Variants in SORCS2 observed in about 807,000 individuals in gnomAD.
SORCS2 encodes the protein sortilin related VPS10 domain containing receptor 2, also known as VPS10 domain-containing receptor SorCS2.
In SORCS2, 100 loss-of-function variants were observed where a neutral mutation model predicts 141.6. The ratio of observed to expected loss-of-function variants is 0.71; its 90% confidence interval spans 0.60 to 0.83. The LOEUF (loss-of-function observed/expected upper bound fraction) is 0.83. SORCS2 is among the 40% of genes least tolerant of loss of function. The pLI, the probability that SORCS2 is intolerant of heterozygous loss-of-function variation, is 0.00. For missense variants in SORCS2, 1,646 were observed against 1,560.2 expected, an observed-to-expected ratio of 1.05 and a Z score of -0.93; for synonymous variants, 789 against 676.9, an observed-to-expected ratio of 1.17 and a Z score of -2.57.
At chr4:7,552,451 C>A (rs1254854089) in intron 3 of SORCS2, among the ~76,000 whole-genome samples, 2 of 152,144 alleles carry the variant, frequency 1.3e-5, no homozygotes, top group African/African-American at 4.8e-5. Flanking sequence ...GCTCTGATTT[C>A]TCTGACAAAA....
intron 5 of SORCS2, among the ~76,000 whole-genome samples, chr4:7,660,046 A>G (rs752788235): frequency 1.3e-5 from 2 of 152,194 alleles, no homozygotes; most frequent in Non-Finnish European, 2.9e-5. Context: ...ATCATTCAAG[A>G]TAAGTATGAT....
chr4:7,724,339 A>ATGG (rs1560113509), intron 19 of SORCS2, among the ~76,000 whole-genome samples: 1,593 of 122,822 alleles, frequency 0.013, no homozygotes, highest in African/African-American at 0.038. Flanking sequence ...GGTGATGGTG[A>ATGG]TGATGGTAAC....
chr4:7,512,832 G>A (rs1732746875), intron 2 of SORCS2, among the ~76,000 whole-genome samples: 1 of 152,148 alleles, frequency 6.6e-6, no homozygotes, highest in Admixed American at 6.5e-5. Context: ...ATCTCTGTAA[G>A]GCCAGAAACC....
chr4:7,541,902 G>A (rs1407429092), intron 3 of SORCS2, among the ~76,000 whole-genome samples: 1 of 152,224 alleles, frequency 6.6e-6, no homozygotes, highest in Non-Finnish European at 1.5e-5. Context: ...CAGCTTGAAG[G>A]TCTAAGCGTG....
At chr4:7,581,148 A>AT (rs1423539220) in intron 3 of SORCS2, among the ~76,000 whole-genome samples, 1 of 143,378 alleles carries the variant, frequency 7.0e-6, no homozygotes, top group Non-Finnish European at 1.6e-5. Context: ...TATGTCCTTA[A>AT]TTTTTTTGAA....
intron 1 of SORCS2, among the ~76,000 whole-genome samples, chr4:7,385,310 T>C (rs762168344): frequency 2.6e-5 from 4 of 152,242 alleles, no homozygotes; most frequent in Non-Finnish European, 5.9e-5. Flanking sequence ...ATCAGTGTCT[T>C]TGAAATGGAA....
In SORCS2 at chr4:7,712,147, G is replaced by C. The variant is rs145741342; in HGVS notation, c.1869-586G>C. 5.9e-5 allele frequency among the ~76,000 whole-genome samples: 9 copies of C among 152,264 alleles called. No homozygotes were observed. The East Asian group carries it at 1.7e-3, about 29-fold the overall frequency. ...TTCCCCCACCCACCTAGGCTGCGAC[G>C]GGCCAACCTTGCTCATCCTGTGGGC... On this transcript the variant is annotated intron_variant, in intron 14 of 26. Transcript: ENST00000507866.
At chr4:7,386,487 G>A (rs1266368510) in intron 1 of SORCS2, among the ~76,000 whole-genome samples, 2 of 61,784 alleles carry the variant, frequency 3.2e-5, no homozygotes, top group Admixed American at 1.5e-4. Context: ...ATACACATTT[G>A]CACACACGCA....
At chr4:7,688,644 C>T (rs980747095) in intron 10 of SORCS2, among the ~76,000 whole-genome samples, 5 of 152,316 alleles carry the variant, frequency 3.3e-5, no homozygotes, top group East Asian at 3.9e-4. Context: ...GAGTCCAAGC[C>T]CTGCCCTTTC....
At chr4:7,718,746 C>A (rs932752275) in intron 18 of SORCS2, among the ~76,000 whole-genome samples, 1 of 152,154 alleles carries the variant, frequency 6.6e-6, no homozygotes, top group Non-Finnish European at 1.5e-5. Context: ...GTTATATTTT[C>A]TTCTGACGTT....
chr4:7,356,698 C>T (rs1333627672), intron 1 of SORCS2, among the ~76,000 whole-genome samples: 1 of 152,210 alleles, frequency 6.6e-6, no homozygotes, highest in Non-Finnish European at 1.5e-5. Flanking sequence ...CTGCAGCAGC[C>T]CCTCTCTGTG....
chr4:7,304,196 A>T (rs900346978), intron 1 of SORCS2, among the ~76,000 whole-genome samples: 8 of 152,244 alleles, frequency 5.3e-5, no homozygotes, highest in African/African-American at 1.9e-4. Context: ...TTCTGGCCTT[A>T]TGTTCTTGCC....
intron 26 of SORCS2, among the ~76,000 whole-genome samples, chr4:7,739,014 C>T (rs779204836): frequency 7.9e-5 from 12 of 152,190 alleles, no homozygotes; most frequent in Admixed American, 2.6e-4. Flanking sequence ...AGGTACTTCA[C>T]GGAGCGCTCG....
At chr4:7,696,409 C>T (rs1724711256) in intron 11 of SORCS2, among the ~76,000 whole-genome samples, 1 of 152,190 alleles carries the variant, frequency 6.6e-6, no homozygotes, top group African/African-American at 2.4e-5. Flanking sequence ...GGTGCAGCAC[C>T]AGAGGCTGTG....
At chr4:7,470,159 T>A (rs1729879428) in intron 2 of SORCS2, among the ~76,000 whole-genome samples, 1 of 152,038 alleles carries the variant, frequency 6.6e-6, no homozygotes, top group South Asian at 2.1e-4. Context: ...AATATATCTA[T>A]CCAGTCATCC....
At chr4:7,316,393 A>G (rs988444630) in intron 1 of SORCS2, among the ~76,000 whole-genome samples, 4 of 152,350 alleles carry the variant, frequency 2.6e-5, no homozygotes, top group African/African-American at 9.6e-5. Flanking sequence ...ATTTCATTCC[A>G]TGAACTTCCA....
chr4:7,325,711 A>T (rs75415357), intron 1 of SORCS2, among the ~76,000 whole-genome samples: 1 of 152,218 alleles, frequency 6.6e-6, no homozygotes, highest in South Asian at 2.1e-4. Context: ...CCCTTCTCAG[A>T]TGAGGGAATC....
intron 2 of SORCS2, among the ~76,000 whole-genome samples, chr4:7,500,670 G>A (rs575744519): frequency 5.3e-5 from 8 of 151,752 alleles, no homozygotes; most frequent in Middle Eastern, 3.4e-3. Context: ...CCAGTGTGCC[G>A]GCTGGAGACT....
chr4:7,408,342 T>A (rs886395231), intron 2 of SORCS2, among the ~76,000 whole-genome samples: 1 of 152,142 alleles, frequency 6.6e-6, no homozygotes, highest in Non-Finnish European at 1.5e-5. Flanking sequence ...CTGTCTTTCA[T>A]ATTTGAAGGA....
Sources: allele counts gnomAD v4.1 joint callset (sites outside exome capture counted in the v4.1 genomes callset), GRCh38; gene constraint gnomAD v4.1.1; transcripts MANE v1.5; gene names NCBI Gene and HGNC (gene_info 2026-07-23, HGNC 2026-07-21).